The following GAREM1 variants were observed in gnomAD, a reference collection of about 807,000 sequenced individuals.
GAREM1 encodes GRB2 associated regulator of MAPK1 subtype 1.
In GAREM1, 26 loss-of-function variants were observed where a neutral mutation model predicts 71.3. The ratio of observed to expected loss-of-function variants is 0.36; its 90% CI spans 0.27 to 0.51. The LOEUF (loss-of-function observed/expected upper bound fraction) is 0.51. Among genes scored for constraint, GAREM1 ranks in the 20% least tolerant of loss-of-function variants. The probability of loss-of-function intolerance (pLI) is 0.95; values close to 1 mark genes in which losing one functional copy is unlikely to be tolerated. For synonymous variants in GAREM1, 440 were observed against 433.2 expected, an observed-to-expected ratio of 1.02 and a Z score of -0.20; for missense variants, 1,026 against 1,103.1, an observed-to-expected ratio of 0.93 and a Z score of 0.99.
intron 5 of GAREM1, among the ~76,000 whole-genome samples, 184 bp from the exon 6 acceptor site, chr18:32,268,952 T>C (rs952195041): frequency 3.9e-5 from 6 of 152,144 alleles, no homozygotes; most frequent in African/African-American, 1.2e-4. Context: ...TTGGTAATTG[T>C]AGATATGTAC....
intron 4 of GAREM1, among the ~76,000 whole-genome samples, chr18:32,284,810 C>T (rs374986306): frequency 6.1e-5 from 9 of 148,088 alleles, no homozygotes; most frequent in Admixed American, 1.4e-4. Flanking sequence ...AGTGCAGTGG[C>T]GGGATCTCGG....
chr18:32,373,526 A>C (rs1019427813), intron 2 of GAREM1, among the ~76,000 whole-genome samples: 1 of 152,184 alleles, frequency 6.6e-6, no homozygotes, highest in Non-Finnish European at 1.5e-5. Context: ...TTTTCCTAAG[A>C]AGACTCTGAC....
intron 2 of GAREM1, among the ~76,000 whole-genome samples, chr18:32,357,518 T>C (rs1465490207): frequency 6.6e-6 from 1 of 152,122 alleles, no homozygotes; most frequent in Admixed American, 6.5e-5. Context: ...CTCTGCTGTC[T>C]AGCACAGTGA....
chr18:32,458,013 T>C (rs181645365), intron 1 of GAREM1, among the ~76,000 whole-genome samples: 7 of 152,274 alleles, frequency 4.6e-5, no homozygotes, highest in African/African-American at 1.7e-4. Context: ...TCCCCATGTC[T>C]GGAAGTGATC....
chr18:32,455,384 T>C (rs986425988), intron 1 of GAREM1, among the ~76,000 whole-genome samples: 22 of 152,092 alleles, frequency 1.4e-4, no homozygotes, highest in South Asian at 6.2e-4. Flanking sequence ...CACACATACA[T>C]TGAGAATAGC....
In GAREM1 at chr18:32,470,817, G is replaced by T. The variant is rs1017814506; in HGVS notation, c.-389C>A. Reference sequence around the variant, plus strand: ...CCTCCTCTTACCCCTCCTTCCCTCCGCCTCGAGCGTGTGAGGAGGAGCCGC... The same window carrying T: ...CCTCCTCTTACCCCTCCTTCCCTCCTCCTCGAGCGTGTGAGGAGGAGCCGC... On this transcript the variant is annotated 5_prime_UTR_variant, in exon 1 of 6. Transcript: ENST00000269209. The surrounding 1 kb of genome is among the most constrained non-coding windows in gnomAD (Gnocchi z 4.4). Among the ~76,000 whole-genome samples, 22 of 150,138 alleles carry T rather than the reference G, an allele frequency of 1.5e-4. No individual in the cohort carries two copies. Among genetic ancestry groups the T allele is most frequent in the African/African-American group, 5.1e-4 (21 of 41,254 alleles).
At chr18:32,273,352 T>C (rs112175341) in intron 4 of GAREM1, among the ~76,000 whole-genome samples, 3 of 152,222 alleles carry the variant, frequency 2.0e-5, no homozygotes, top group African/African-American at 7.2e-5. Flanking sequence ...TTTACAATAG[T>C]TGGCTGACTT....
In GAREM1 at chr18:32,268,566, G is replaced by T; in HGVS notation, c.1936C>A (p.Pro646Thr). ...CTAGGGTAACTATAACTCCTGCTTG[G>T]ATCCAGCAGGAAGTCACTCCTGGTC... ...SQTRSDFLLD[P>T]SRSYSYPRQK... Residue 646 changes from proline (P) to threonine (T), a missense_variant, in exon 6 of 6, where the codon CCA becomes ACA. Physicochemically the swap from Pro to Thr is conservative, Grantham distance 38. Transcript: ENST00000269209. 1 of 1,614,092 alleles carries T rather than the reference G, an allele frequency of 6.2e-7. No individual in the cohort carries two copies. Among genetic ancestry groups the T allele is most frequent in the Non-Finnish European group, 8.5e-7 (1 of 1,179,986 alleles).
At chr18:32,375,391 C>A (rs866752025) in intron 2 of GAREM1, among the ~76,000 whole-genome samples, 1 of 152,212 alleles carries the variant, frequency 6.6e-6, no homozygotes, top group South Asian at 2.1e-4. Flanking sequence ...ATATGGCCAT[C>A]CCAGAGCAAA....
chr18:32,296,654 T>C (rs144167583), intron 3 of GAREM1, among the ~76,000 whole-genome samples: 1,721 of 152,050 alleles, frequency 0.011, 21 homozygotes, highest in Non-Finnish European at 0.016. Context: ...TCTTTTTCCA[T>C]AGGACTTGTA....
At chr18:32,301,548 T>C (rs1407393728) in intron 3 of GAREM1, among the ~76,000 whole-genome samples, 2 of 152,172 alleles carry the variant, frequency 1.3e-5, no homozygotes. Flanking sequence ...CATTCAACTT[T>C]TGGACTTTCA....
At chr18:32,274,507 G>A (rs567013162) in intron 4 of GAREM1, among the ~76,000 whole-genome samples, 2 of 152,000 alleles carry the variant, frequency 1.3e-5, no homozygotes, top group African/African-American at 2.4e-5. Flanking sequence ...CATGTTACTC[G>A]CTGTCTCCGA....
Position 32,309,130 on chromosome 18 carries a change from C to T in GAREM1, c.393+1063G>A, listed in dbSNP as rs541912565. On this transcript the variant is annotated intron_variant, in intron 3 of 5. Transcript: ENST00000269209. Reference sequence around the variant, plus strand: ...GCTGAAATGACATTAAAGAGAAAACCCCTTCAATGTGAACACTTTCTAAAG... The same window carrying T: ...GCTGAAATGACATTAAAGAGAAAACTCCTTCAATGTGAACACTTTCTAAAG... Among the ~76,000 whole-genome samples the T allele has an allele frequency of 9.3e-4, 140 of 150,000 alleles. 9 individuals are homozygous for T. Among genetic ancestry groups the T allele is most frequent in the African/African-American group, 3.2e-3 (128 of 40,468 alleles).
Position 32,267,260 on chromosome 18 carries a change from T to C in GAREM1, c.*611A>G, listed in dbSNP as rs762981409. The C allele has an allele frequency of 1.3e-5, 2 of 152,248 alleles. No individual in the cohort carries two copies. Among genetic ancestry groups the C allele is most frequent in the Non-Finnish European group, 2.9e-5 (2 of 68,054 alleles). The allele number at this position is 152,248 out of a possible 1,614,324, so 9.4% of individuals were successfully genotyped here. On this transcript the variant is annotated 3_prime_UTR_variant, in exon 6 of 6. Coordinates refer to ENST00000269209, the MANE Select transcript of GAREM1 (RefSeq NM_001242409.2). Reference sequence around the variant, plus strand: ...AGTTACAGATAAATTATTGTGGTCATGATTTGTGTGATTTCTAAGGACAAC... The same window carrying C: ...AGTTACAGATAAATTATTGTGGTCACGATTTGTGTGATTTCTAAGGACAAC...
intron 1 of GAREM1, among the ~76,000 whole-genome samples, chr18:32,442,993 A>C (rs2048753823): frequency 6.6e-6 from 1 of 152,206 alleles, no homozygotes. Context: ...CAAATGACCA[A>C]AAATAATACA....
At chr18:32,461,921 G>A (rs1479139705) in intron 1 of GAREM1, among the ~76,000 whole-genome samples, 4 of 152,084 alleles carry the variant, frequency 2.6e-5, no homozygotes, top group Non-Finnish European at 5.9e-5. Context: ...AAAAATAAAC[G>A]AGTTTACAAG....
chr18:32,282,011 T>C (rs376785811), intron 4 of GAREM1, among the ~76,000 whole-genome samples: 1 of 152,176 alleles, frequency 6.6e-6, no homozygotes, highest in East Asian at 1.9e-4. Flanking sequence ...GCACCCCCAC[T>C]GAGCACCTTG....
At chr18:32,360,218 A>T (rs573023629) in intron 2 of GAREM1, among the ~76,000 whole-genome samples, 100 of 151,804 alleles carry the variant, frequency 6.6e-4, no homozygotes, top group African/African-American at 2.2e-3. Context: ...GAAAAAAAAA[A>T]TCCTGTTTAA....
intron 2 of GAREM1, among the ~76,000 whole-genome samples, chr18:32,344,647 T>C (rs1161519500): frequency 2.6e-5 from 4 of 152,198 alleles, no homozygotes; most frequent in Admixed American, 2.6e-4. Flanking sequence ...ACTAAAGATT[T>C]CTGGTACAAA....
Sources: gnomAD v4.1 joint callset for allele counts (sites outside exome capture counted in the v4.1 genomes callset) on GRCh38, gnomAD v4.1.1 for gene constraint, Gnocchi (gnomAD v3.1) non-coding constraint, MANE v1.5 for transcripts, NCBI Gene and HGNC (gene_info 2026-07-23, HGNC 2026-07-21) for gene names.